SUGCT: variants seen among roughly 807,000 people sequenced by gnomAD.
The protein encoded by SUGCT is succinyl-CoA:glutarate CoA-transferase.
Under a neutral mutation model 55.0 loss-of-function variants are expected in SUGCT, and 41 were observed. That is an observed-to-expected ratio of 0.74 (90% CI 0.58 to 0.97). The LOEUF (loss-of-function observed/expected upper bound fraction) is 0.97, where lower values mean the gene tolerates loss of function less well. Ranked by LOEUF, SUGCT falls within the 50% of genes least tolerant of loss-of-function variation. SUGCT has a pLI of 0.00. For missense variants in SUGCT, 568 were observed against 547.8 expected (o/e 1.04, Z -0.37); for synonymous variants, 187 against 200.4 (o/e 0.93, Z 0.56).
Position 40,684,815 on chromosome 7 carries a change from T to C in SUGCT, c.1090-64619T>C, listed in dbSNP as rs185587394. Among the ~76,000 whole-genome samples, 21 of 152,146 alleles carry C rather than the reference T, an allele frequency of 1.4e-4. No homozygotes were observed. In the East Asian group the frequency reaches 4.1e-3, roughly 29 times the overall value. On this transcript the variant is annotated intron_variant, in intron 12 of 13. Transcript: ENST00000335693. ...TGTTTCTCATGGTTGAGACACATAG[T>C]GTTTTATGAGTTTTCGTGGTTGTTT...
intron 8 of SUGCT, among the ~76,000 whole-genome samples, chr7:40,314,504 C>T (rs1318670002): frequency 6.8e-6 from 1 of 147,944 alleles, no homozygotes; most frequent in Non-Finnish European, 1.5e-5. Context: ...CAGAAAATGT[C>T]TCCAATTTCA....
At chr7:40,388,399 A>G (rs1379164815) in intron 9 of SUGCT, among the ~76,000 whole-genome samples, 2 of 152,122 alleles carry the variant, frequency 1.3e-5, no homozygotes, top group Admixed American at 1.3e-4. Context: ...ATTGAAAGCA[A>G]CAGAAATCAG....
the SUGCT span, among the ~76,000 whole-genome samples, chr7:40,894,355 A>G: frequency 1.3e-5 from 2 of 152,240 alleles, no homozygotes; most frequent in Non-Finnish European, 2.9e-5. Flanking sequence ...ACTTAAAACT[A>G]CAAAAATCCT....
chr7:40,457,703 A>G (rs1789565977), intron 10 of SUGCT, among the ~76,000 whole-genome samples: 2 of 152,234 alleles, frequency 1.3e-5, no homozygotes, highest in Non-Finnish European at 2.9e-5. Flanking sequence ...TTTGAAACAA[A>G]AAAGAGTTCC....
chr7:40,577,162 C>T (rs1039681056), intron 12 of SUGCT, among the ~76,000 whole-genome samples: 3 of 152,132 alleles, frequency 2.0e-5, no homozygotes, highest in Non-Finnish European at 4.4e-5. Context: ...AGATTCATTG[C>T]GTAGCTGGAT....
chr7:40,444,333 T>C (rs1423792407), intron 9 of SUGCT, among the ~76,000 whole-genome samples: 4 of 152,238 alleles, frequency 2.6e-5, no homozygotes, highest in African/African-American at 9.6e-5. Flanking sequence ...ATTTTCATGT[T>C]ATCGATTCTT....
chr7:40,970,347 T>G, the SUGCT span, among the ~76,000 whole-genome samples: 5 of 152,108 alleles, frequency 3.3e-5, no homozygotes, highest in Non-Finnish European at 7.4e-5. Context: ...AATTTTTGTG[T>G]TTTTTGTAGA....
chr7:40,164,004 A>G (rs1199230825), intron 1 of SUGCT, among the ~76,000 whole-genome samples: 1 of 152,000 alleles, frequency 6.6e-6, no homozygotes, highest in Admixed American at 6.6e-5. Context: ...GTATTTTAGT[A>G]GAGATGGGGT....
chr7:41,014,258 T>G, the SUGCT span, among the ~76,000 whole-genome samples: 1 of 152,184 alleles, frequency 6.6e-6, no homozygotes, highest in Admixed American at 6.5e-5. Context: ...TATGCGTGTA[T>G]GTGTGGCTGT....
chr7:40,430,972 G>A (rs1225479784), intron 9 of SUGCT, among the ~76,000 whole-genome samples: 4 of 151,984 alleles, frequency 2.6e-5, no homozygotes, highest in African/African-American at 9.7e-5. Flanking sequence ...ACAAAAATTA[G>A]CTGGGCGTGG....
At chr7:40,822,789 G>A (rs1792095118) in intron 13 of SUGCT, among the ~76,000 whole-genome samples, 1 of 152,120 alleles carries the variant, frequency 6.6e-6, no homozygotes, top group African/African-American at 2.4e-5. Context: ...AATCCTGAAA[G>A]AGATATGGGG....
chr7:40,230,554 G>A (rs1788662172), intron 6 of SUGCT, among the ~76,000 whole-genome samples: 2 of 152,134 alleles, frequency 1.3e-5, no homozygotes, highest in Non-Finnish European at 2.9e-5. Flanking sequence ...GATGGATTTG[G>A]GAATTACTTG....
At chr7:40,867,853 C>T in the SUGCT span, among the ~76,000 whole-genome samples, 1 of 152,170 alleles carries the variant, frequency 6.6e-6, no homozygotes, top group Admixed American at 6.5e-5. Context: ...ACACATTGAG[C>T]TATCATTACC....
chr7:40,753,031 C>T (rs1238496943), intron 13 of SUGCT, among the ~76,000 whole-genome samples: 2 of 152,156 alleles, frequency 1.3e-5, no homozygotes, highest in Non-Finnish European at 2.9e-5. Flanking sequence ...GAGTGCAGCA[C>T]ATCTGAATTC....
intron 12 of SUGCT, among the ~76,000 whole-genome samples, chr7:40,678,385 G>A (rs1015227217): frequency 6.6e-6 from 1 of 152,060 alleles, no homozygotes; most frequent in African/African-American, 2.4e-5. Context: ...ATATGATGAA[G>A]GAAGAAGATC....
intron 12 of SUGCT, among the ~76,000 whole-genome samples, chr7:40,515,873 A>G (rs1793203561): frequency 6.6e-6 from 1 of 152,198 alleles, no homozygotes; most frequent in East Asian, 1.9e-4. Context: ...TCTATGTTGA[A>G]CATTTTAAAC....
Position 40,477,318 on chromosome 7 carries a change from G to A in SUGCT, c.986+18120G>A, listed in dbSNP as rs1376111789. ...AGACTAGTCTGGGTGGAGTTAGGGAGGGTGGACAGAGAGCAGCAAGACTGG... is the reference window on the plus strand; with the variant it reads ...AGACTAGTCTGGGTGGAGTTAGGGAAGGTGGACAGAGAGCAGCAAGACTGG... On this transcript the variant is annotated intron_variant, in intron 11 of 13. Transcript: ENST00000335693. Among the ~76,000 whole-genome samples the A allele has an allele frequency of 3.3e-5, 5 of 152,228 alleles. No individual in the cohort carries two copies. The South Asian group carries it at 1.0e-3, about 32-fold the overall frequency.
chr7:40,136,016 T>G (rs893499867), intron 1 of SUGCT, among the ~76,000 whole-genome samples: 1 of 150,296 alleles, frequency 6.7e-6, no homozygotes, highest in Non-Finnish European at 1.5e-5. Context: ...TTTTTTTTTT[T>G]GAGACAGTCT....
At chr7:40,855,478 T>C (rs536158233) in intron 13 of SUGCT, among the ~76,000 whole-genome samples, 1 of 152,106 alleles carries the variant, frequency 6.6e-6, no homozygotes, top group South Asian at 2.1e-4. Flanking sequence ...TACTGGAAAA[T>C]GTAAGTGCTA....
Sources: gnomAD v4.1 joint callset for allele counts (sites outside exome capture counted in the v4.1 genomes callset) on GRCh38, gnomAD v4.1.1 for gene constraint, MANE v1.5 for transcripts, NCBI Gene and HGNC (gene_info 2026-07-23, HGNC 2026-07-21) for gene names.